The following RBFOX1 variants were observed in gnomAD, a reference collection of about 807,000 sequenced individuals.
RBFOX1 encodes the protein RNA binding fox-1 homolog 1.
A neutral mutation model predicts 57.7 loss-of-function variants in RBFOX1; 8 were observed. That is an observed-to-expected ratio of 0.14 (90% CI 0.08 to 0.25). The LOEUF (loss-of-function observed/expected upper bound fraction) is 0.25, where lower values mean the gene tolerates loss of function less well. Ranked by LOEUF, RBFOX1 falls within the 10% of genes least tolerant of loss-of-function variation. The pLI is 1.00. For synonymous variants in RBFOX1, 326 were observed against 222.4 expected (o/e 1.47, Z -4.15); for missense variants, 611 against 548.5 (o/e 1.11, Z -1.14).
intron 4 of RBFOX1, among the ~76,000 whole-genome samples, chr16:7,295,228 G>A (rs192684978): frequency 1.3e-5 from 2 of 152,152 alleles, no homozygotes; most frequent in Non-Finnish European, 2.9e-5. Flanking sequence ...GAAAGGTGAT[G>A]TGTATGATGT....
chr16:7,257,927 G>A (rs1411883961), intron 4 of RBFOX1, among the ~76,000 whole-genome samples: 2 of 152,186 alleles, frequency 1.3e-5, no homozygotes, highest in African/African-American at 4.8e-5. Context: ...CGTATCTCCT[G>A]CTTTCAAGGG....
At chr16:6,683,492 C>A (rs938407864) in intron 3 of RBFOX1, among the ~76,000 whole-genome samples, 1 of 152,038 alleles carries the variant, frequency 6.6e-6, no homozygotes, top group African/African-American at 2.4e-5. Flanking sequence ...ATACATGCAT[C>A]CAAAACTATA....
intron 2 of RBFOX1, among the ~76,000 whole-genome samples, chr16:5,575,942 C>A (rs1259735739): frequency 1.3e-5 from 2 of 151,500 alleles, no homozygotes; most frequent in African/African-American, 2.4e-5. Flanking sequence ...ACATCTGCTT[C>A]TTTGGCTGGG....
At chr16:5,488,755 A>G (rs1189718399) in intron 2 of RBFOX1, among the ~76,000 whole-genome samples, 5 of 149,914 alleles carry the variant, frequency 3.3e-5, no homozygotes, top group Non-Finnish European at 7.4e-5. Context: ...GATTATAGTG[A>G]TGATGGTGAT....
chr16:5,975,004 G>A (rs1035739020), intron 4 of RBFOX1, among the ~76,000 whole-genome samples: 1 of 151,964 alleles, frequency 6.6e-6, no homozygotes, highest in African/African-American at 2.4e-5. Flanking sequence ...GCGAAACTCC[G>A]TCTCAAAAAT....
At chr16:5,543,441 A>G (rs1422443234) in intron 2 of RBFOX1, among the ~76,000 whole-genome samples, 1 of 152,182 alleles carries the variant, frequency 6.6e-6, no homozygotes, top group Non-Finnish European at 1.5e-5. Flanking sequence ...ATACACAAAA[A>G]AGATGAGTGA....
chr16:7,260,288 C>T (rs893835108), intron 4 of RBFOX1, among the ~76,000 whole-genome samples: 7 of 152,188 alleles, frequency 4.6e-5, no homozygotes, highest in African/African-American at 7.2e-5. Context: ...GATATCCAGA[C>T]ATGCTTCACT....
At chr16:7,142,324 A>G (rs1322217288) in intron 4 of RBFOX1, among the ~76,000 whole-genome samples, 1 of 152,062 alleles carries the variant, frequency 6.6e-6, no homozygotes, top group Non-Finnish European at 1.5e-5. Context: ...ACACCTAGCC[A>G]AGTCCCATTT....
intron 1 of RBFOX1, among the ~76,000 whole-genome samples, chr16:6,195,902 A>C (rs940326183): frequency 3.3e-5 from 5 of 152,166 alleles, no homozygotes; most frequent in African/African-American, 1.2e-4. Flanking sequence ...ACATCTCCAG[A>C]AAGAGATAAA....
At chr16:6,933,581 C>G (rs897622359) in intron 3 of RBFOX1, among the ~76,000 whole-genome samples, 5 of 152,174 alleles carry the variant, frequency 3.3e-5, no homozygotes, top group African/African-American at 4.8e-5. Context: ...GGTGTGGTGG[C>G]AAGCACCTGT....
intron 4 of RBFOX1, among the ~76,000 whole-genome samples, chr16:7,451,359 T>C (rs2080429215): frequency 6.6e-6 from 1 of 152,200 alleles, no homozygotes; most frequent in Non-Finnish European, 1.5e-5. Context: ...TTGATTGAGA[T>C]AGTTTTGGAA....
chr16:5,845,341 C>T (rs2056728385), intron 3 of RBFOX1, among the ~76,000 whole-genome samples: 1 of 152,202 alleles, frequency 6.6e-6, no homozygotes, highest in African/African-American at 2.4e-5. Context: ...GAATATTCCT[C>T]TCCAGCCTGT....
intron 1 of RBFOX1, among the ~76,000 whole-genome samples, chr16:6,117,015 G>A (rs1004543987): frequency 1.3e-5 from 2 of 152,270 alleles, no homozygotes; most frequent in South Asian, 4.1e-4. Flanking sequence ...ATCTAGTTCT[G>A]AATAGGGTGT....
chr16:7,393,899 G>T (rs1445497124), intron 4 of RBFOX1, among the ~76,000 whole-genome samples: 1 of 152,060 alleles, frequency 6.6e-6, no homozygotes, highest in Non-Finnish European at 1.5e-5. Flanking sequence ...GCAGGAAGAT[G>T]GTTCATCAAG....
chr16:6,937,079 A>G (rs1266028436), intron 3 of RBFOX1, among the ~76,000 whole-genome samples: 1 of 151,990 alleles, frequency 6.6e-6, no homozygotes, highest in African/African-American at 2.4e-5. Context: ...GTACCCTAAA[A>G]CTTAAAGTAT....
chr16:6,358,317 A>G (rs1438736736), intron 2 of RBFOX1, among the ~76,000 whole-genome samples: 1 of 152,230 alleles, frequency 6.6e-6, no homozygotes, highest in Non-Finnish European at 1.5e-5. Flanking sequence ...TCAATTATGT[A>G]TACTTTAATA....
intron 4 of RBFOX1, among the ~76,000 whole-genome samples, chr16:7,061,023 T>TGTGTGC (rs2054090391): frequency 7.2e-5 from 1 of 13,880 alleles, no homozygotes; most frequent in South Asian, 7.0e-3. Context: ...TATGTTCTCC[T>TGTGTGC]GTGTGTGTGT....
intron 2 of RBFOX1, among the ~76,000 whole-genome samples, chr16:6,501,352 C>T (rs1184966009): frequency 1.5e-5 from 2 of 135,784 alleles, no homozygotes; most frequent in Non-Finnish European, 3.1e-5. Flanking sequence ...CATGTGTTCT[C>T]ACTGTTCAAT....
rs1555480365 is a variant in RBFOX1, at chr16:6,450,741, T to TTA, written c.-64+133695_-64+133696dup. 7.9e-4 allele frequency among the ~76,000 whole-genome samples: 60 copies of TTA among 76,074 alleles called. 3 individuals carry two copies. Among genetic ancestry groups the TTA allele is most frequent in the African/African-American group, 2.6e-3 (55 of 21,062 alleles). The allele number at this position is 76,074 out of a possible 152,430, so 49.9% of individuals were successfully genotyped here. The stretch of plus-strand genomic sequence containing the variant: ...TGTGGTGGTGGCAGGGGAATAAATT[T>TTA]TATATATATATACATATATATATGT... On this transcript the variant is annotated intron_variant, in intron 2 of 15. Transcript: ENST00000550418.
Sources: allele counts gnomAD v4.1 joint callset (sites outside exome capture counted in the v4.1 genomes callset), GRCh38; gene constraint gnomAD v4.1.1; transcripts MANE v1.5; gene names NCBI Gene and HGNC (gene_info 2026-07-23, HGNC 2026-07-21).